Variants in CETP observed in about 807,000 individuals in gnomAD.
CETP encodes BPI fold containing family F.
A neutral mutation model predicts 66.5 loss-of-function variants in CETP; 56 were observed. The observed-to-expected ratio is 0.84, with a 90% CI of 0.68 to 1.05. CETP has a LOEUF of 1.05. CETP is among the 50% of genes least tolerant of loss of function. CETP has a pLI of 0.00. For missense variants in CETP, 612 were observed against 609.6 expected, an observed-to-expected ratio of 1.00 and a Z score of -0.04; for synonymous variants, 251 against 245.7, an observed-to-expected ratio of 1.02 and a Z score of -0.20.
rs376904667 is a variant in CETP at position 56,983,687 on chromosome 16, A to T, written c.*21A>T. On this transcript the variant is annotated 3_prime_UTR_variant, in exon 16 of 16. Coordinates refer to ENST00000200676, the MANE Select transcript of CETP (RefSeq NM_000078.3). ...GCTAGAAGTCTCCAAGGAGGTCGGG[A>T]TGGGGCTTGTAGCAGAAGGCAAGCA... 1.6e-5 allele frequency: 26 copies of T among 1,611,350 alleles called. No homozygotes were observed. The highest frequency in any genetic ancestry group is 2.1e-5 in the Non-Finnish European group (25 of 1,177,552).
intron 2 of CETP, 101 bp from the exon 3 acceptor site, chr16:56,969,285 A>G: frequency 4.0e-6 from 6 of 1,496,252 alleles, no homozygotes; most frequent in Admixed American, 1.7e-5. Flanking sequence ...TTTGGGGGCC[A>G]TGATTCTATC....
chr16:56,970,081 C>T, intron 5 of CETP, 80 bp downstream of exon 5: 1 of 1,360,654 alleles, frequency 7.3e-7, no homozygotes. Flanking sequence ...CAGGCTCAAC[C>T]CCACACAGGG....
At chr16:56,974,324 C>A (rs2056134689) in intron 9 of CETP, among the ~76,000 whole-genome samples, 1 of 152,172 alleles carries the variant, frequency 6.6e-6, no homozygotes, top group African/African-American at 2.4e-5. Flanking sequence ...CGGTGCATAC[C>A]TATAGTCCCA....
At chr16:56,975,060 C>T (rs186097921) in intron 9 of CETP, 41 bp from the exon 10 acceptor site, 1 of 1,599,012 alleles carries the variant, frequency 6.3e-7, no homozygotes, top group Non-Finnish European at 8.6e-7. Context: ...GAGGAGTGGA[C>T]TTTACTCCAC....
chr16:56,977,069 C>A (rs1273117270), intron 10 of CETP, among the ~76,000 whole-genome samples: 1 of 151,866 alleles, frequency 6.6e-6, no homozygotes, highest in Non-Finnish European at 1.5e-5. Context: ...CCACTGTGCC[C>A]AGCTCATTTT....
chr16:56,974,992 C>T (rs1010149677), intron 9 of CETP, 109 bp from the exon 10 acceptor site: 11 of 914,070 alleles, frequency 1.2e-5, no homozygotes, highest in Middle Eastern at 3.0e-4. Context: ...TTGGGAGTTG[C>T]GTCTGAGGAG....
At chr16:56,962,242 T>C in intron 1 of CETP, 145 bp downstream of exon 1, 1 of 782,878 alleles carries the variant, frequency 1.3e-6, no homozygotes. Context: ...GGAGATGGGC[T>C]GAGTGGAGCT....
At chr16:56,981,296 C>A in intron 12 of CETP, 71 bp downstream of exon 12, 1 of 1,254,592 alleles carries the variant, frequency 8.0e-7, no homozygotes, top group Non-Finnish European at 1.2e-6. Flanking sequence ...GAGTCAGGCA[C>A]AGGGCGGGGT....
intron 2 of CETP, among the ~76,000 whole-genome samples, chr16:56,965,080 G>A (rs1036442161): frequency 6.6e-6 from 1 of 152,216 alleles, no homozygotes; most frequent in South Asian, 2.1e-4. Flanking sequence ...GACAGAGCAA[G>A]ACTCTGTTGC....
At chr16:56,975,866 C>A (rs1159373284) in intron 10 of CETP, among the ~76,000 whole-genome samples, 1 of 152,168 alleles carries the variant, frequency 6.6e-6, no homozygotes, top group African/African-American at 2.4e-5. Flanking sequence ...CTGAGCAGAG[C>A]CACCAACAGA....
rs2056025839 is a variant in CETP at position 56,961,983 on chromosome 16, C to G, written c.4C>G (p.Leu2Val). The stretch of plus-strand genomic sequence containing the variant: ...TACACACCACTGCCTGATAACCATG[C>G]TGGCTGCCACAGTCCTGACCCTGGC... M[L>V]AATVLTLALL... Residue 2 changes from leucine (L) to valine (V), a missense_variant, in exon 1 of 16, where the codon CTG (leucine) becomes GTG (valine). Physicochemically the swap from Leu to Val is conservative, Grantham distance 32. Transcript: ENST00000200676. 3 of 1,613,704 alleles carry G rather than the reference C, an allele frequency of 1.9e-6. No homozygotes were observed. The highest frequency in any genetic ancestry group is 1.7e-6 in the Non-Finnish European group (2 of 1,179,690).
rs891143 is a variant in CETP, at chr16:56,970,068, T to C, written c.527+67T>C. The C allele has an allele frequency of 0.99, 1,464,219 of 1,471,736 alleles. 728,647 individuals carry two copies. Among genetic ancestry groups the C allele is most frequent in the East Asian group, 1 (41,384 of 41,384 alleles). The allele number at this position is 1,471,736 out of a possible 1,614,324, so 91.2% of individuals were successfully genotyped here. On this transcript the variant is annotated intron_variant, in intron 5 of 15. Transcript: ENST00000200676. ...ATCCTGTTAGTGTGTCCACGGCTCC[T>C]TCCAGGCTCAACCCCACACAGGGCA...
chr16:56,981,859 T>A (rs1415068235), intron 13 of CETP, among the ~76,000 whole-genome samples, 179 bp downstream of exon 13: 1 of 152,114 alleles, frequency 6.6e-6, no homozygotes, highest in Non-Finnish European at 1.5e-5. Context: ...GGGAGAGCCC[T>A]TGTGTTGCAA....
chr16:56,962,551 C>T (rs904433389), intron 1 of CETP, among the ~76,000 whole-genome samples: 1 of 152,092 alleles, frequency 6.6e-6, no homozygotes, highest in Non-Finnish European at 1.5e-5. Context: ...AGCTCCCCTG[C>T]CCTCTCTGGG....
chr16:56,983,693 C>T lies in CETP; in HGVS notation c.*27C>T, dbSNP rs1441875694. The stretch of plus-strand genomic sequence containing the variant: ...AGTCTCCAAGGAGGTCGGGATGGGG[C>T]TTGTAGCAGAAGGCAAGCACCAGGC... On this transcript the variant is annotated 3_prime_UTR_variant, in exon 16 of 16. Coordinates refer to ENST00000200676, the MANE Select transcript of CETP (RefSeq NM_000078.3). The T allele has an allele frequency of 6.2e-7, 1 of 1,605,636 alleles. No individual in the cohort carries two copies. Among genetic ancestry groups the T allele is most frequent in the South Asian group, 1.1e-5 (1 of 90,912 alleles).
chr16:56,981,768 A>C (rs1377120721), intron 13 of CETP, 88 bp downstream of exon 13: 1 of 1,335,102 alleles, frequency 7.5e-7, no homozygotes, highest in Admixed American at 1.7e-5. Context: ...AAAGGAAATC[A>C]GGCAACCAGA....
chr16:56,974,489 G>C (rs921423154), intron 9 of CETP, among the ~76,000 whole-genome samples: 10 of 152,166 alleles, frequency 6.6e-5, no homozygotes, highest in Non-Finnish European at 1.3e-4. Flanking sequence ...AGTCAACTAT[G>C]TGTTGCCAGA....
In CETP at chr16:56,983,295, G is replaced by A. The variant is rs772883678; in HGVS notation, c.1322-31G>A. 37 of 1,606,936 alleles carry A rather than the reference G, an allele frequency of 2.3e-5. 1 individual carries two copies. The South Asian group carries it at 4.1e-4, about 18-fold the overall frequency. On this transcript the variant is annotated intron_variant, in intron 14 of 15. Coordinates refer to ENST00000200676, the MANE Select transcript of CETP (RefSeq NM_000078.3). ...TCGGGCCGGCCTTGCTCCCCAAGAA[G>A]GGCTGACTGGGGCTCTGTCCCCTGC...
intron 5 of CETP, among the ~76,000 whole-genome samples, chr16:56,970,433 C>T (rs1306296660): frequency 6.6e-6 from 1 of 152,206 alleles, no homozygotes; most frequent in Non-Finnish European, 1.5e-5. Flanking sequence ...AAAACTCTAG[C>T]CAAGCTAAGT....
Sources: gnomAD v4.1 joint callset for allele counts (sites outside exome capture counted in the v4.1 genomes callset) on GRCh38, gnomAD v4.1.1 for gene constraint, MANE v1.5 for transcripts, NCBI Gene and HGNC (gene_info 2026-07-23, HGNC 2026-07-21) for gene names.